Variants in EFHC2 observed in about 807,000 individuals in gnomAD.
The protein encoded by EFHC2 is EF-hand domain containing 2, also known as EF-hand domain-containing family member C2.
A neutral mutation model predicts 52.7 loss-of-function variants in EFHC2; 18 were observed. The ratio of observed to expected loss-of-function variants is 0.34; its 90% CI spans 0.24 to 0.51. The LOEUF (loss-of-function observed/expected upper bound fraction) is 0.51. Among genes scored for constraint, EFHC2 ranks in the 20% least tolerant of loss-of-function variants. EFHC2 has a pLI of 0.97. For missense variants in EFHC2, 513 were observed against 562.5 expected (o/e 0.91, Z 0.89); for synonymous variants, 203 against 204.1 (o/e 0.99, Z 0.04).
At chrX:44,283,906 C>G (rs1455981870) in intron 2 of EFHC2, 1 of 109,109 alleles carries the variant, frequency 9.2e-6, no homozygotes, top group East Asian at 2.9e-4. Flanking sequence ...GAGGGCCCTC[C>G]AGCTCTGGGG....
At chrX:44,253,763 C>T (rs2037471420) in intron 4 of EFHC2, among the ~76,000 whole-genome samples, 1 of 112,134 alleles carries the variant, frequency 8.9e-6, no homozygotes, top group Non-Finnish European at 1.9e-5. Flanking sequence ...GCACAGTGCT[C>T]GAGCTCTGCT....
At chrX:44,261,496 G>A (rs991259576) in intron 3 of EFHC2, among the ~76,000 whole-genome samples, 198 bp from the exon 4 acceptor site, 1 of 110,955 alleles carries the variant, frequency 9.0e-6, no homozygotes, top group Admixed American at 9.6e-5. Flanking sequence ...GAGCTCTGTG[G>A]CCAGCCTTGC....
chrX:44,148,993 C>T (rs2036547875), intron 14 of EFHC2, 97 bp from the exon 15 acceptor site: 1 of 732,975 alleles, frequency 1.4e-6, no homozygotes, highest in Non-Finnish European at 2.0e-6. Flanking sequence ...AAAATTTCTA[C>T]CATCTACTTT....
At chrX:44,248,137 G>A (rs902913661) in intron 7 of EFHC2, 135 bp downstream of exon 7, 10 of 527,356 alleles carry the variant, frequency 1.9e-5, no homozygotes, top group South Asian at 1.2e-4. Flanking sequence ...GACAACAAAC[G>A]GCTGGAAGAT....
intron 14 of EFHC2, among the ~76,000 whole-genome samples, chrX:44,155,675 A>C (rs988757543): frequency 6.2e-5 from 7 of 112,384 alleles, no homozygotes; most frequent in Admixed American, 1.9e-4. Context: ...TATGAGAAAT[A>C]TCTATACATT....
At chrX:44,247,129 C>T (rs1014099561) in intron 7 of EFHC2, among the ~76,000 whole-genome samples, 8 of 112,041 alleles carry the variant, frequency 7.1e-5, no homozygotes, top group African/African-American at 9.7e-5. Flanking sequence ...TAAAAAGAGG[C>T]CACCAATTTG....
chrX:44,208,074 A>G (rs2037062382), intron 11 of EFHC2, among the ~76,000 whole-genome samples: 1 of 112,494 alleles, frequency 8.9e-6, no homozygotes, highest in South Asian at 3.7e-4. Flanking sequence ...GCTCCTGTGG[A>G]AAGCAGTTTG....
intron 1 of EFHC2, among the ~76,000 whole-genome samples, chrX:44,330,875 G>A (rs1401986063): frequency 8.9e-6 from 1 of 111,916 alleles, no homozygotes; most frequent in Admixed American, 9.5e-5. Context: ...AATAAAAATA[G>A]TGATAACACT....
intron 1 of EFHC2, among the ~76,000 whole-genome samples, chrX:44,315,417 G>A (rs745729110): frequency 1.1e-4 from 12 of 111,438 alleles, no homozygotes; most frequent in Admixed American, 2.9e-4. Flanking sequence ...CGCTTACTAT[G>A]AGCTGGATGC....
Position 44,241,073 on chromosome X carries a change from G to A in EFHC2, c.1280+1048C>T, listed in dbSNP as rs1219487877. Among the ~76,000 whole-genome samples, 3 of 111,101 alleles carry A rather than the reference G, an allele frequency of 2.7e-5. No individual in the cohort carries two copies. The East Asian group carries it at 8.5e-4, about 31-fold the overall frequency. On this transcript the variant is annotated intron_variant, in intron 8 of 14. Transcript: ENST00000420999. ...ACCCCAATCAATTTTATGAAATTCA[G>A]GATGTCTTTTTCTTCTCCTTCTCCT...
intron 1 of EFHC2, among the ~76,000 whole-genome samples, chrX:44,316,059 C>G (rs1250731433): frequency 9.0e-6 from 1 of 111,353 alleles, no homozygotes; most frequent in Non-Finnish European, 1.9e-5. Context: ...CTCCACTACT[C>G]ACAAGTTTCC....
chrX:44,306,292 C>T (rs1283260164), intron 2 of EFHC2, among the ~76,000 whole-genome samples: 2 of 111,591 alleles, frequency 1.8e-5, no homozygotes, highest in South Asian at 7.5e-4. Flanking sequence ...CTTTCCCTTG[C>T]ATGCAGGTAA....
intron 1 of EFHC2, among the ~76,000 whole-genome samples, chrX:44,337,991 T>C (rs1365989118): frequency 8.9e-6 from 1 of 111,737 alleles, no homozygotes; most frequent in Non-Finnish European, 1.9e-5. Context: ...ATAGTTTTTA[T>C]GCAGGAGTTC....
intron 2 of EFHC2, among the ~76,000 whole-genome samples, chrX:44,297,568 A>G (rs1282767414): frequency 3.7e-5 from 4 of 109,182 alleles, no homozygotes; most frequent in Non-Finnish European, 7.6e-5. Flanking sequence ...TACTAAAAAA[A>G]ATATATAAAA....
intron 10 of EFHC2, 84 bp downstream of exon 10, chrX:44,232,397 G>T: frequency 1.3e-6 from 1 of 743,798 alleles, no homozygotes; most frequent in Non-Finnish European, 1.8e-6. Context: ...GTGGCAAGAT[G>T]AAGAAGAAAA....
At chrX:44,215,520 T>C (rs2037138043) in intron 11 of EFHC2, among the ~76,000 whole-genome samples, 2 of 90,044 alleles carry the variant, frequency 2.2e-5, no homozygotes, top group African/African-American at 8.7e-5. Context: ...AGAGAAAGCA[T>C]ACTTCCATTG....
rs760020443 is a variant in EFHC2, at chrX:44,176,303, G to A, written c.2031C>T (p.Ser677=). ...RLPLSDDLLE[S]LLSRFEDSEK... is the part of the protein sequence containing the mutation. ...GAACTCTAACTTACCTTGACAATAA[G>A]GATTCTAGAAGATCATCACTCAAAG... is the stretch of plus-strand genomic sequence containing the variant. Residue 677 remains serine, a synonymous_variant, in exon 13 of 15, where the codon TCC becomes TCT. Coordinates refer to ENST00000420999, the MANE Select transcript of EFHC2 (RefSeq NM_025184.4). 1.7e-6 allele frequency: 2 copies of A among 1,195,625 alleles called. No individual in the cohort carries two copies. The highest frequency in any genetic ancestry group is 2.3e-6 in the Non-Finnish European group (2 of 886,664).
chrX:44,201,937 A>G (rs1488945810), intron 11 of EFHC2, among the ~76,000 whole-genome samples: 2 of 111,912 alleles, frequency 1.8e-5, no homozygotes, highest in African/African-American at 6.5e-5. Flanking sequence ...TAAGCTAAGT[A>G]CTTAGTAAAA....
chrX:44,207,002 C>T (rs2037053233), intron 11 of EFHC2, among the ~76,000 whole-genome samples: 2 of 111,122 alleles, frequency 1.8e-5, no homozygotes, highest in African/African-American at 6.5e-5. Flanking sequence ...GGTACTTGTA[C>T]AAAAAATAGG....
Sources: gnomAD v4.1 joint callset for allele counts (sites outside exome capture counted in the v4.1 genomes callset) on GRCh38, gnomAD v4.1.1 for gene constraint, MANE v1.5 for transcripts, NCBI Gene and HGNC (gene_info 2026-07-23, HGNC 2026-07-21) for gene names.